UQCC1: variants seen among roughly 807,000 people sequenced by gnomAD.
UQCC1 encodes bFGF-repressed Zic-binding protein.
A neutral mutation model predicts 48.0 loss-of-function variants in UQCC1; 38 were observed. That is an observed-to-expected ratio of 0.79 (90% CI 0.61 to 1.04). The LOEUF is 1.04. Ranked by LOEUF, UQCC1 falls within the 50% of genes least tolerant of loss-of-function variation. The probability of loss-of-function intolerance (pLI) is 0.00; values close to 1 mark genes in which losing one functional copy is unlikely to be tolerated. For synonymous variants in UQCC1, 111 were observed against 129.2 expected (o/e 0.86, Z 0.95); for missense variants, 368 against 381.8 (o/e 0.96, Z 0.30).
chr20:35,319,553 G>T (rs141718900), intron 7 of UQCC1, among the ~76,000 whole-genome samples: 97 of 152,306 alleles, frequency 6.4e-4, no homozygotes, highest in African/African-American at 2.3e-3. Context: ...AGCAGAGGCA[G>T]GCACAAGGGG....
At chr20:35,400,723 C>T (rs1461301805) in intron 1 of UQCC1, among the ~76,000 whole-genome samples, 1 of 151,882 alleles carries the variant, frequency 6.6e-6, no homozygotes, top group Non-Finnish European at 1.5e-5. Flanking sequence ...TCTTGATCTC[C>T]TGACCTTGTG....
Position 35,306,750 on chromosome 20 carries a change from G to C in UQCC1, c.681C>G (p.Ala227=), listed in dbSNP as rs369706798. The C allele has an allele frequency of 6.2e-7, 1 of 1,614,006 alleles. No homozygotes were observed. The highest frequency in any genetic ancestry group is 8.5e-7 in the Non-Finnish European group (1 of 1,180,012). The change falls in exon 9 of 10, where the codon GCC becomes GCG. Residue 227 remains alanine (A), a synonymous_variant. Coordinates refer to ENST00000374385, the MANE Select transcript of UQCC1 (RefSeq NM_018244.5). ...EGILSDDHGL[A]AALWRTFFNR... is the part of the protein sequence containing the mutation. The stretch of plus-strand genomic sequence containing the variant: ...TGAAGAAGGTTCTCCAGAGGGCAGC[G>C]GCCAGCCCATGATCATCTGAAAGGA...
intron 7 of UQCC1, among the ~76,000 whole-genome samples, chr20:35,340,672 G>A (rs1005857618): frequency 1.2e-4 from 19 of 152,024 alleles, no homozygotes; most frequent in Non-Finnish European, 2.5e-4. Flanking sequence ...GTAAAGATGG[G>A]GTCTCCCTAC....
intron 2 of UQCC1, among the ~76,000 whole-genome samples, chr20:35,385,779 T>C (rs1273429483): frequency 6.6e-6 from 1 of 151,624 alleles, no homozygotes; most frequent in African/African-American, 2.4e-5. Flanking sequence ...TGCCTTGAAC[T>C]CCCAAAATGG....
At chr20:35,315,343 G>T (rs2061045577) in intron 7 of UQCC1, 1 of 152,692 alleles carries the variant, frequency 6.5e-6, no homozygotes, top group African/African-American at 2.4e-5. Context: ...GCGCAGGGAG[G>T]GTGTCAGGGA....
intron 4 of UQCC1, among the ~76,000 whole-genome samples, chr20:35,378,617 G>A (rs1362742149): frequency 6.6e-6 from 1 of 152,100 alleles, no homozygotes; most frequent in Non-Finnish European, 1.5e-5. Flanking sequence ...GCGACAGAGC[G>A]AGACTCCAAC....
chr20:35,315,822 G>A (rs1175448732), intron 7 of UQCC1, among the ~76,000 whole-genome samples: 1 of 152,148 alleles, frequency 6.6e-6, no homozygotes, highest in Admixed American at 6.5e-5. Context: ...GGAGGCCGAG[G>A]CTGCAGTGAG....
At chr20:35,396,351 C>A (rs1207600270) in intron 1 of UQCC1, among the ~76,000 whole-genome samples, 2 of 143,514 alleles carry the variant, frequency 1.4e-5, no homozygotes, top group African/African-American at 5.2e-5. Context: ...GAGTCCAGTG[C>A]CTAGTCATGG....
At chr20:35,390,961 C>T (rs1016917438) in intron 2 of UQCC1, among the ~76,000 whole-genome samples, 8 of 152,090 alleles carry the variant, frequency 5.3e-5, no homozygotes, top group Non-Finnish European at 8.8e-5. Flanking sequence ...TTTGAGAGGT[C>T]GAGGTGGGCG....
At chr20:35,343,667 T>G (rs1481527490) in intron 7 of UQCC1, among the ~76,000 whole-genome samples, 1 of 152,234 alleles carries the variant, frequency 6.6e-6, no homozygotes, top group East Asian at 1.9e-4. Context: ...AGTTATAGTC[T>G]TTGTAACTAA....
At chr20:35,353,047 C>T (rs889076346) in intron 6 of UQCC1, among the ~76,000 whole-genome samples, 48 of 151,996 alleles carry the variant, frequency 3.2e-4, no homozygotes, top group Admixed American at 3.0e-3. Flanking sequence ...AAAAAGGTTA[C>T]AGAATAACAA....
At chr20:35,388,308 T>TTTTTTTTTTTTTTTTG (rs67663221) in intron 2 of UQCC1, among the ~76,000 whole-genome samples, 1 of 121,250 alleles carries the variant, frequency 8.2e-6, no homozygotes, top group Non-Finnish European at 1.7e-5. Context: ...TCTTTTTTTT[T>TTTTTTTTTTTTTTTTG]GAGACAGGGT....
intron 3 of UQCC1, among the ~76,000 whole-genome samples, chr20:35,383,065 T>C (rs376061828): frequency 6.6e-6 from 1 of 152,052 alleles, no homozygotes; most frequent in East Asian, 1.9e-4. Context: ...CTTATTGATG[T>C]AATAGGAAAA....
At chr20:35,367,509 AG>A (rs1282846072) in intron 5 of UQCC1, among the ~76,000 whole-genome samples, 1 of 152,196 alleles carries the variant, frequency 6.6e-6, no homozygotes, top group Non-Finnish European at 1.5e-5. Context: ...TTGTAATCCC[AG>A]CACTTAGGGA....
At chr20:35,327,277 A>G (rs1478710410) in intron 7 of UQCC1, among the ~76,000 whole-genome samples, 1 of 152,198 alleles carries the variant, frequency 6.6e-6, no homozygotes, top group African/African-American at 2.4e-5. Context: ...TAAAGCAGAC[A>G]TTTACATTGT....
intron 3 of UQCC1, among the ~76,000 whole-genome samples, 157 bp from the exon 4 acceptor site, chr20:35,382,182 C>T (rs1371089478): frequency 6.6e-6 from 1 of 152,126 alleles, no homozygotes; most frequent in Non-Finnish European, 1.5e-5. Flanking sequence ...TCATAGCTCA[C>T]TGCAGCCTCA....
chr20:35,384,837 C>T (rs537998527), intron 2 of UQCC1, among the ~76,000 whole-genome samples: 4 of 151,484 alleles, frequency 2.6e-5, no homozygotes, highest in Non-Finnish European at 5.9e-5. Flanking sequence ...TGTGGTGGCA[C>T]ATGCCTGTAA....
intron 7 of UQCC1, among the ~76,000 whole-genome samples, chr20:35,325,874 C>G (rs749413176): frequency 6.6e-6 from 1 of 150,706 alleles, no homozygotes; most frequent in African/African-American, 2.4e-5. Context: ...AAAAAACACA[C>G]ACAAAAAAAA....
intron 7 of UQCC1, among the ~76,000 whole-genome samples, chr20:35,341,218 C>CAAAAAAAA (rs61675932): frequency 6.0e-5 from 7 of 115,790 alleles, no homozygotes; most frequent in Admixed American, 8.5e-5. Flanking sequence ...GAGACTCCGT[C>CAAAAAAAA]AAAAAAAAAA....
Sources: gnomAD v4.1 joint callset for allele counts (sites outside exome capture counted in the v4.1 genomes callset) on GRCh38, gnomAD v4.1.1 for gene constraint, MANE v1.5 for transcripts, NCBI Gene and HGNC (gene_info 2026-07-23, HGNC 2026-07-21) for gene names.